SH3GL2: variants seen among roughly 807,000 people sequenced by gnomAD.
The protein encoded by SH3GL2 is endophilin-A1.
Under a neutral mutation model 46.0 loss-of-function variants are expected in SH3GL2, and 24 were observed. The observed-to-expected ratio is 0.52, with a 90% CI of 0.38 to 0.73. The LOEUF (loss-of-function observed/expected upper bound fraction) is 0.73. Ranked by LOEUF, SH3GL2 falls within the 30% of genes least tolerant of loss-of-function variation. The pLI is 0.00. For missense variants in SH3GL2, 413 were observed against 424.2 expected (o/e 0.97, Z 0.23); for synonymous variants, 196 against 147.1 (o/e 1.33, Z -2.40).
intron 7 of SH3GL2, among the ~76,000 whole-genome samples, chr9:17,792,257 C>A (rs566703821): frequency 6.6e-6 from 1 of 152,152 alleles, no homozygotes; most frequent in Non-Finnish European, 1.5e-5. Flanking sequence ...TCGGCGCAGC[C>A]TTATGGAAAT....
intron 2 of SH3GL2, among the ~76,000 whole-genome samples, chr9:17,755,490 G>T (rs1354494366): frequency 1.3e-5 from 2 of 152,060 alleles, no homozygotes; most frequent in African/African-American, 2.4e-5. Flanking sequence ...CTTTTGTATA[G>T]ATGGGGTCTC....
At chr9:17,709,831 C>G (rs76077388) in intron 1 of SH3GL2, among the ~76,000 whole-genome samples, 10,087 of 151,766 alleles carry the variant, frequency 0.066, 547 homozygotes, top group Admixed American at 0.17. Flanking sequence ...CTAGTATGTT[C>G]CAGGCACTGT....
At chr9:17,702,476 A>G (rs1318898207) in intron 1 of SH3GL2, among the ~76,000 whole-genome samples, 2 of 152,104 alleles carry the variant, frequency 1.3e-5, no homozygotes, top group Admixed American at 6.6e-5. Context: ...GGGTCACGAA[A>G]AAATTTAAAC....
intron 3 of SH3GL2, among the ~76,000 whole-genome samples, chr9:17,778,070 C>A (rs1823695257): frequency 6.6e-6 from 1 of 152,094 alleles, no homozygotes; most frequent in Non-Finnish European, 1.5e-5. Flanking sequence ...AACATACTTC[C>A]ATAACACAAT....
At chr9:17,703,114 A>G (rs892015413) in intron 1 of SH3GL2, among the ~76,000 whole-genome samples, 1 of 152,100 alleles carries the variant, frequency 6.6e-6, no homozygotes, top group Non-Finnish European at 1.5e-5. Flanking sequence ...GGAGGATTCA[A>G]CAGAGATGAA....
intron 1 of SH3GL2, among the ~76,000 whole-genome samples, chr9:17,743,598 AC>A (rs1822595225): frequency 6.6e-6 from 1 of 150,886 alleles, no homozygotes; most frequent in African/African-American, 2.5e-5. Context: ...ACACACACAC[AC>A]ACCCCAAATA....
At chr9:17,723,732 G>A (rs7863646) in intron 1 of SH3GL2, among the ~76,000 whole-genome samples, 1 of 151,830 alleles carries the variant, frequency 6.6e-6, no homozygotes, top group Non-Finnish European at 1.5e-5. Context: ...ATGAAGACTT[G>A]CCTCCATTGA....
At chr9:17,669,220 G>T (rs1054925889) in intron 1 of SH3GL2, among the ~76,000 whole-genome samples, 1 of 151,708 alleles carries the variant, frequency 6.6e-6, no homozygotes, top group Non-Finnish European at 1.5e-5. Flanking sequence ...CGGTAGTATG[G>T]TATCAAAACC....
intron 1 of SH3GL2, among the ~76,000 whole-genome samples, chr9:17,677,145 A>G: frequency 6.6e-6 from 1 of 151,460 alleles, no homozygotes; most frequent in African/African-American, 2.4e-5. Flanking sequence ...TCATATTCTG[A>G]CTTGGTCTCT....
At chr9:17,768,370 C>CAAAAAAA (rs34891273) in intron 3 of SH3GL2, among the ~76,000 whole-genome samples, 1 of 67,222 alleles carries the variant, frequency 1.5e-5, no homozygotes. Flanking sequence ...GACTCTGTCT[C>CAAAAAAA]AAAAAAAAAA....
At chr9:17,766,719 C>G (rs1823328477) in intron 3 of SH3GL2, among the ~76,000 whole-genome samples, 1 of 151,986 alleles carries the variant, frequency 6.6e-6, no homozygotes, top group Non-Finnish European at 1.5e-5. Context: ...TTTATACTTA[C>G]AGCACATTTC....
chr9:17,708,841 G>A (rs1278230130), intron 1 of SH3GL2, among the ~76,000 whole-genome samples: 1 of 151,978 alleles, frequency 6.6e-6, no homozygotes, highest in South Asian at 2.1e-4. Context: ...AAGTGCATTT[G>A]AGACTCTTTG....
intron 3 of SH3GL2, among the ~76,000 whole-genome samples, chr9:17,765,854 G>A (rs180800286): frequency 6.6e-6 from 1 of 152,258 alleles, no homozygotes; most frequent in African/African-American, 2.4e-5. Context: ...CCAGCCCCCA[G>A]CTCAGTTCCA....
chr9:17,770,309 A>G (rs1299989106), intron 3 of SH3GL2, among the ~76,000 whole-genome samples: 7 of 152,308 alleles, frequency 4.6e-5, no homozygotes, highest in South Asian at 2.1e-4. Flanking sequence ...GTGATTAGCA[A>G]TTTGCCCGAA....
At chr9:17,580,750 G>A (rs553411547) in intron 1 of SH3GL2, among the ~76,000 whole-genome samples, 8 of 152,280 alleles carry the variant, frequency 5.3e-5, no homozygotes, top group East Asian at 1.9e-4. Context: ...TGCTGCCCAG[G>A]AATTCTGTGG....
At chr9:17,586,956 C>T (rs10116876) in intron 1 of SH3GL2, among the ~76,000 whole-genome samples, 88,314 of 152,094 alleles carry the variant, frequency 0.58, 28,161 homozygotes, top group Non-Finnish European at 0.71. Context: ...CCTGCAATCC[C>T]AGCACTTTGG....
chr9:17,594,087 G>A (rs754770561), intron 1 of SH3GL2, among the ~76,000 whole-genome samples: 30 of 152,154 alleles, frequency 2.0e-4, no homozygotes, highest in African/African-American at 6.0e-4. Context: ...AGCAAATCTA[G>A]CATTGTTCTT....
intron 1 of SH3GL2, among the ~76,000 whole-genome samples, chr9:17,722,866 A>G (rs2118355046): frequency 6.6e-6 from 1 of 152,250 alleles, no homozygotes; most frequent in East Asian, 1.9e-4. Flanking sequence ...AGAGATGCAT[A>G]TCCAGGGCAC....
chr9:17,788,337 C>T (rs1250836853), intron 5 of SH3GL2, among the ~76,000 whole-genome samples: 1 of 152,050 alleles, frequency 6.6e-6, no homozygotes, highest in African/African-American at 2.4e-5. Flanking sequence ...AAGAAAGTTC[C>T]TTCCAAATGA....
Sources: allele counts gnomAD v4.1 joint callset (sites outside exome capture counted in the v4.1 genomes callset), GRCh38; gene constraint gnomAD v4.1.1; transcripts MANE v1.5; gene names NCBI Gene and HGNC (gene_info 2026-07-23, HGNC 2026-07-21).